CTNNBIP1: variants seen among roughly 807,000 people sequenced by gnomAD.
The protein encoded by CTNNBIP1 is catenin beta interacting protein 1, also known as beta-catenin-interacting protein 1.
A neutral mutation model predicts 11.8 loss-of-function variants in CTNNBIP1; 7 were observed. The ratio of observed to expected loss-of-function variants is 0.60; its 90% confidence interval spans 0.34 to 1.12. CTNNBIP1 has a LOEUF of 1.12. Among genes scored for constraint, CTNNBIP1 ranks in the 50% most tolerant of loss-of-function variants. CTNNBIP1 has a pLI of 0.03. For missense variants in CTNNBIP1, 101 were observed against 113.4 expected (o/e 0.89, Z 0.50); for synonymous variants, 58 against 43.9 (o/e 1.32, Z -1.26).
chr1:9,852,499 T>G (rs1420819364), intron 5 of CTNNBIP1, among the ~76,000 whole-genome samples: 1 of 152,196 alleles, frequency 6.6e-6, no homozygotes, highest in Non-Finnish European at 1.5e-5. Context: ...GGAAGCCCTA[T>G]GAATCCTTCC....
At chr1:9,862,692 A>G (rs1426663434) in intron 5 of CTNNBIP1, among the ~76,000 whole-genome samples, 1 of 152,160 alleles carries the variant, frequency 6.6e-6, no homozygotes, top group Non-Finnish European at 1.5e-5. Flanking sequence ...GCACATCCGC[A>G]TGCATTCTCC....
At chr1:9,899,152 C>T (rs867332176) in intron 1 of CTNNBIP1, among the ~76,000 whole-genome samples, 5 of 151,984 alleles carry the variant, frequency 3.3e-5, no homozygotes, top group East Asian at 1.9e-4. Flanking sequence ...GGTTCATAAG[C>T]GGCCTTAAAA....
chr1:9,869,295 T>C (rs1457900111), intron 5 of CTNNBIP1, among the ~76,000 whole-genome samples: 1 of 152,330 alleles, frequency 6.6e-6, no homozygotes, highest in East Asian at 1.9e-4. Flanking sequence ...CCACTGCACC[T>C]GGCCACCAGC....
In CTNNBIP1 at chr1:9,885,255, G is replaced by A. The variant is rs182164239; in HGVS notation, c.-143-1517C>T. ...TTTTCAGTCTAAGTGGCTGAAGGTC[G>A]ACATTCCTATCAATTGAGATGGGGA... On this transcript the variant is annotated intron_variant, in intron 1 of 5. Transcript: ENST00000377263. Among the ~76,000 whole-genome samples, 509 of 152,252 alleles carry A rather than the reference G, an allele frequency of 3.3e-3. 3 individuals carry two copies. Among genetic ancestry groups the A allele is most frequent in the African/African-American group, 0.012 (484 of 41,554 alleles).
At chr1:9,879,356 C>T (rs1639036479) in intron 2 of CTNNBIP1, among the ~76,000 whole-genome samples, 1 of 152,152 alleles carries the variant, frequency 6.6e-6, no homozygotes, top group African/African-American at 2.4e-5. Flanking sequence ...GCTTGGAAAC[C>T]CACTGTCTTC....
intron 5 of CTNNBIP1, among the ~76,000 whole-genome samples, chr1:9,865,244 AG>A (rs1638718550): frequency 6.6e-6 from 1 of 150,684 alleles, no homozygotes; most frequent in Non-Finnish European, 1.5e-5. Flanking sequence ...AAAAAAAAAA[AG>A]TTTTATTGGA....
intron 2 of CTNNBIP1, among the ~76,000 whole-genome samples, chr1:9,880,065 C>T (rs1247819634): frequency 6.6e-6 from 1 of 152,130 alleles, no homozygotes; most frequent in Non-Finnish European, 1.5e-5. Flanking sequence ...CACCTATCAA[C>T]CCGTCACCTA....
At chr1:9,875,263 C>G (rs1165427373) in intron 3 of CTNNBIP1, among the ~76,000 whole-genome samples, 1 of 152,206 alleles carries the variant, frequency 6.6e-6, no homozygotes, top group East Asian at 1.9e-4. Context: ...TTCAGAGAGC[C>G]ACCCCTGCCC....
At chr1:9,855,416 G>A (rs1261609541) in intron 5 of CTNNBIP1, among the ~76,000 whole-genome samples, 1 of 152,164 alleles carries the variant, frequency 6.6e-6, no homozygotes, top group Non-Finnish European at 1.5e-5. Flanking sequence ...ACGAGACTGG[G>A]TGGTACTGGC....
chr1:9,871,851 C>T lies in CTNNBIP1; in HGVS notation c.96+118G>A. 1.2e-6 allele frequency: 1 copy of T among 827,712 alleles called. No homozygotes were observed. Among genetic ancestry groups the T allele is most frequent in the Non-Finnish European group, 2.0e-6 (1 of 503,096 alleles). The allele number at this position is 827,712 out of a possible 1,614,324, so 51.3% of individuals were successfully genotyped here. A position where few individuals can be genotyped will look rare whatever the true frequency, so the allele number is the denominator to read the frequency against. On this transcript the variant is annotated intron_variant, in intron 4 of 5. Transcript: ENST00000377263. This position sits in a 1 kb window ranked among gnomAD's most constrained non-coding sequence, Gnocchi z 5.2. Reference sequence around the variant, plus strand: ...AGCCACAGGCCCAGCGGCCCCTCCTCAGCCCGTGGCTCCGCAGGAGGCAGC... The same window carrying T: ...AGCCACAGGCCCAGCGGCCCCTCCTTAGCCCGTGGCTCCGCAGGAGGCAGC...
At chr1:9,890,108 T>C (rs1639271680) in intron 1 of CTNNBIP1, among the ~76,000 whole-genome samples, 1 of 152,214 alleles carries the variant, frequency 6.6e-6, no homozygotes, top group Non-Finnish European at 1.5e-5. Flanking sequence ...GTTTAAAATA[T>C]TTATCCTTGT....
rs957598878 is a variant in CTNNBIP1, at chr1:9,867,732, G to T, written c.187+3455C>A. The stretch of plus-strand genomic sequence containing the variant: ...TTTGGGGTTCATTATGGCAGTCTCT[G>T]CACCCTGCTCTGGCCCCCGCATCCT... On this transcript the variant is annotated intron_variant, in intron 5 of 5. Transcript: ENST00000377263. The surrounding 1 kb of genome is among the most constrained non-coding windows in gnomAD (Gnocchi z 4.6). 1.3e-5 allele frequency among the ~76,000 whole-genome samples: 2 copies of T among 152,218 alleles called. No homozygotes were observed. Among genetic ancestry groups the T allele is most frequent in the Admixed American group, 1.3e-4 (2 of 15,290 alleles).
intron 1 of CTNNBIP1, among the ~76,000 whole-genome samples, chr1:9,905,061 G>C (rs1474056385): frequency 6.6e-6 from 1 of 152,124 alleles, no homozygotes; most frequent in African/African-American, 2.4e-5. Flanking sequence ...AGGACAAGGA[G>C]AGCCTATTCC....
At chr1:9,875,830 G>A (rs906503870) in intron 3 of CTNNBIP1, among the ~76,000 whole-genome samples, 3 of 152,146 alleles carry the variant, frequency 2.0e-5, no homozygotes, top group Non-Finnish European at 4.4e-5. Flanking sequence ...CAGAAACACC[G>A]TGACTGGCTT....
At chr1:9,856,005 G>C (rs1016991222) in intron 5 of CTNNBIP1, among the ~76,000 whole-genome samples, 1 of 152,000 alleles carries the variant, frequency 6.6e-6, no homozygotes, top group African/African-American at 2.4e-5. Flanking sequence ...AAAGTTAGCT[G>C]GGCGTGGTGG....
At chr1:9,901,677 T>C (rs936238483) in intron 1 of CTNNBIP1, among the ~76,000 whole-genome samples, 8 of 152,124 alleles carry the variant, frequency 5.3e-5, no homozygotes, top group African/African-American at 1.9e-4. Context: ...TGGGTCACAA[T>C]CTTCTAGCTG....
chr1:9,902,922 C>T (rs1417969576), intron 1 of CTNNBIP1, among the ~76,000 whole-genome samples: 2 of 152,152 alleles, frequency 1.3e-5, no homozygotes, highest in Non-Finnish European at 2.9e-5. Flanking sequence ...CGTACCACCA[C>T]GCCAGGCTAA....
intron 5 of CTNNBIP1, among the ~76,000 whole-genome samples, chr1:9,865,359 G>T (rs1400985200): frequency 6.6e-6 from 1 of 152,178 alleles, no homozygotes; most frequent in African/African-American, 2.4e-5. Context: ...CCAGCACTTT[G>T]GGGGGCCGAA....
At chr1:9,888,014 G>A (rs1471008941) in intron 1 of CTNNBIP1, among the ~76,000 whole-genome samples, 1 of 151,672 alleles carries the variant, frequency 6.6e-6, no homozygotes, top group African/African-American at 2.4e-5. Context: ...AGTAAAGACG[G>A]GGTTTCACCA....
Sources: allele counts gnomAD v4.1 joint callset (sites outside exome capture counted in the v4.1 genomes callset), GRCh38; gene constraint gnomAD v4.1.1; non-coding constraint Gnocchi (gnomAD v3.1); transcripts MANE v1.5; gene names NCBI Gene and HGNC (gene_info 2026-07-23, HGNC 2026-07-21).